THSD7B: variants seen among roughly 807,000 people sequenced by gnomAD.
THSD7B encodes the protein thrombospondin type 1 domain containing 7B.
THSD7B carries 138 observed loss-of-function variants against 213.6 expected under a neutral mutation model. That is an observed-to-expected ratio of 0.65 (90% CI 0.56 to 0.74). The LOEUF (loss-of-function observed/expected upper bound fraction) is 0.74, where lower values mean the gene tolerates loss of function less well. THSD7B is among the 30% of genes least tolerant of loss of function. THSD7B has a pLI of 0.00. For missense variants in THSD7B, 1,931 were observed against 1,991.5 expected (o/e 0.97, Z 0.58); for synonymous variants, 742 against 687.0 (o/e 1.08, Z -1.25).
intron 6 of THSD7B, among the ~76,000 whole-genome samples, chr2:137,166,589 C>T (rs564388102): frequency 6.6e-6 from 1 of 152,254 alleles, no homozygotes; most frequent in Non-Finnish European, 1.5e-5. Context: ...CTTAAAAATT[C>T]CCAAAGGACA....
At chr2:137,663,895 A>G (rs1157158930) in intron 26 of THSD7B, among the ~76,000 whole-genome samples, 5 of 152,154 alleles carry the variant, frequency 3.3e-5, no homozygotes, top group African/African-American at 1.2e-4. Context: ...TCTGTCGCCC[A>G]GGCTGCAGTC....
chr2:137,160,760 A>T (rs779535173), intron 6 of THSD7B, among the ~76,000 whole-genome samples: 14 of 152,238 alleles, frequency 9.2e-5, no homozygotes, highest in Non-Finnish European at 1.9e-4. Flanking sequence ...AGTAGCTGGG[A>T]TTACAGGTGC....
chr2:137,125,984 A>G (rs1688623439), intron 5 of THSD7B, among the ~76,000 whole-genome samples: 1 of 152,194 alleles, frequency 6.6e-6, no homozygotes, highest in African/African-American at 2.4e-5. Context: ...AGTAGGCCTC[A>G]ACAGTGGGCT....
chr2:137,232,531 C>T (rs1242542827), intron 8 of THSD7B, among the ~76,000 whole-genome samples: 1 of 152,060 alleles, frequency 6.6e-6, no homozygotes, highest in Admixed American at 6.5e-5. Context: ...ACTTCGAGGT[C>T]ATAGACTATT....
intron 1 of THSD7B, among the ~76,000 whole-genome samples, chr2:136,767,473 G>GTGTGTGTC (rs1447385839): frequency 4.6e-5 from 7 of 151,760 alleles, no homozygotes; most frequent in Admixed American, 3.3e-4. Flanking sequence ...GTGTGTGTGT[G>GTGTGTGTC]TGTGTGTTGT....
intron 2 of THSD7B, among the ~76,000 whole-genome samples, chr2:136,894,322 A>C (rs554259): frequency 0.65 from 99,558 of 152,026 alleles, 33,336 homozygotes; most frequent in East Asian, 0.84. Flanking sequence ...CAACTTTATA[A>C]CATTTTCAAA....
intron 14 of THSD7B, among the ~76,000 whole-genome samples, chr2:137,432,905 A>G (rs1384856575): frequency 6.6e-6 from 1 of 152,242 alleles, no homozygotes; most frequent in Admixed American, 6.5e-5. Flanking sequence ...TATTTATATT[A>G]GACTTTATCT....
At chr2:137,473,724 T>A (rs1372131599) in intron 15 of THSD7B, among the ~76,000 whole-genome samples, 1 of 152,236 alleles carries the variant, frequency 6.6e-6, no homozygotes, top group Admixed American at 6.5e-5. Flanking sequence ...AGCAGTTTAC[T>A]GTCCTTGCTT....
At chr2:137,005,303 G>A (rs1307003319) in intron 2 of THSD7B, among the ~76,000 whole-genome samples, 1 of 152,196 alleles carries the variant, frequency 6.6e-6, no homozygotes, top group East Asian at 1.9e-4. Context: ...GCCAAAGCAT[G>A]TCAGTTGTTT....
intron 12 of THSD7B, among the ~76,000 whole-genome samples, chr2:137,357,440 C>A (rs1168875691): frequency 6.6e-6 from 1 of 151,920 alleles, no homozygotes; most frequent in Admixed American, 6.6e-5. Flanking sequence ...TGTTTACAAA[C>A]TGAGATTATA....
At position 137,056,937 on chromosome 2, in the gene THSD7B, TCTGA is replaced by T. The variant is rs1687178430; in HGVS notation, c.662_665del (p.Thr221SerfsTer74). The T allele has an allele frequency of 6.2e-7, 1 of 1,613,814 alleles. No homozygotes were observed. Among genetic ancestry groups the T allele is most frequent in the African/African-American group, 1.3e-5 (1 of 74,904 alleles). ...TCTTTGGTGGTTTGCAATGTCCAAA[TCTGA>T]CTGAGTCAAGAGCCTGTGATGCTCC... On this transcript the variant is annotated frameshift_variant, in exon 3 of 28. Transcript: ENST00000409968. LOFTEE classifies it high-confidence loss of function.
At chr2:136,981,922 G>A (rs531100681) in intron 2 of THSD7B, among the ~76,000 whole-genome samples, 5 of 152,310 alleles carry the variant, frequency 3.3e-5, no homozygotes, top group African/African-American at 7.2e-5. Context: ...AGTGTCAGTC[G>A]CACTGCTGGC....
intron 12 of THSD7B, among the ~76,000 whole-genome samples, chr2:137,301,497 C>A (rs1251305984): frequency 2.6e-5 from 4 of 151,842 alleles, no homozygotes; most frequent in African/African-American, 9.7e-5. Context: ...GGCATGGTGA[C>A]AAATGCTATG....
intron 2 of THSD7B, among the ~76,000 whole-genome samples, chr2:137,010,108 T>A (rs748768243): frequency 6.6e-6 from 1 of 152,186 alleles, no homozygotes; most frequent in Non-Finnish European, 1.5e-5. Flanking sequence ...AGCCTAGCAC[T>A]GACAAAATGT....
At chr2:137,183,559 T>G (rs570504767) in intron 7 of THSD7B, among the ~76,000 whole-genome samples, 1 of 152,258 alleles carries the variant, frequency 6.6e-6, no homozygotes, top group East Asian at 1.9e-4. Context: ...GAGATCACGT[T>G]CTTAAAAAGA....
chr2:137,485,953 T>A (rs1488703806), intron 15 of THSD7B, among the ~76,000 whole-genome samples: 1 of 151,996 alleles, frequency 6.6e-6, no homozygotes, highest in Non-Finnish European at 1.5e-5. Flanking sequence ...GCTGAGAGAT[T>A]TTGTCACCAC....
intron 1 of THSD7B, among the ~76,000 whole-genome samples, chr2:136,878,942 T>G (rs1266788287): frequency 6.6e-6 from 1 of 152,260 alleles, no homozygotes; most frequent in African/African-American, 2.4e-5. Context: ...TTGTCAATTT[T>G]GGCTTTTGTT....
At chr2:137,127,145 T>A (rs1688644059) in intron 5 of THSD7B, among the ~76,000 whole-genome samples, 1 of 152,180 alleles carries the variant, frequency 6.6e-6, no homozygotes, top group Non-Finnish European at 1.5e-5. Flanking sequence ...ACATGCTGTT[T>A]GAAAAGTGGT....
chr2:137,079,087 G>C (rs1182228123), intron 3 of THSD7B, among the ~76,000 whole-genome samples: 3 of 152,082 alleles, frequency 2.0e-5, no homozygotes, highest in Non-Finnish European at 2.9e-5. Context: ...GGATGGCTGA[G>C]ATAGGAAGAT....
Sources: allele counts gnomAD v4.1 joint callset (sites outside exome capture counted in the v4.1 genomes callset), GRCh38; gene constraint gnomAD v4.1.1; transcripts MANE v1.5; gene names NCBI Gene and HGNC (gene_info 2026-07-23, HGNC 2026-07-21).